Variants in GPC5 observed in about 807,000 individuals in gnomAD.
GPC5 encodes the protein glypican 5.
Under a neutral mutation model 53.9 loss-of-function variants are expected in GPC5, and 47 were observed. That is an observed-to-expected ratio of 0.87 (90% CI 0.69 to 1.11). The LOEUF (loss-of-function observed/expected upper bound fraction) is 1.11, where lower values mean the gene tolerates loss of function less well. GPC5 is among the 50% of genes most tolerant of loss of function. The pLI is 0.00. For missense variants in GPC5, 748 were observed against 713.1 expected (o/e 1.05, Z -0.56); for synonymous variants, 286 against 263.3 (o/e 1.09, Z -0.84).
chr13:92,343,527 G>T (rs2043384672), intron 7 of GPC5, among the ~76,000 whole-genome samples: 1 of 151,946 alleles, frequency 6.6e-6, no homozygotes, highest in Admixed American at 6.6e-5. Flanking sequence ...TTCTGCTTTT[G>T]ACAAACTAGG....
intron 2 of GPC5, among the ~76,000 whole-genome samples, chr13:91,689,682 G>C (rs2035713559): frequency 1.3e-5 from 2 of 149,856 alleles, no homozygotes; most frequent in Middle Eastern, 3.4e-3. Flanking sequence ...ACACACATTA[G>C]CCTAGGCCTA....
intron 6 of GPC5, among the ~76,000 whole-genome samples, chr13:91,954,699 T>C (rs2040057509): frequency 1.3e-5 from 2 of 151,984 alleles, no homozygotes; most frequent in Admixed American, 6.6e-5. Flanking sequence ...AAAAACATAC[T>C]TTAAGTACTA....
intron 7 of GPC5, among the ~76,000 whole-genome samples, chr13:92,570,895 A>G (rs1162874091): frequency 2.0e-5 from 3 of 152,140 alleles, no homozygotes; most frequent in Admixed American, 1.3e-4. Context: ...AATTTTACCA[A>G]TATGGAAGCT....
intron 6 of GPC5, among the ~76,000 whole-genome samples, chr13:91,972,337 C>G (rs1309905931): frequency 6.6e-6 from 1 of 152,158 alleles, no homozygotes; most frequent in Non-Finnish European, 1.5e-5. Flanking sequence ...TCCTCCATCC[C>G]TTTATTTTAA....
chr13:91,972,177 T>C (rs2040249208), intron 6 of GPC5, among the ~76,000 whole-genome samples: 1 of 152,226 alleles, frequency 6.6e-6, no homozygotes, highest in Non-Finnish European at 1.5e-5. Flanking sequence ...ATATTTAGGA[T>C]AGTTAGCTCT....
intron 6 of GPC5, among the ~76,000 whole-genome samples, chr13:92,086,272 A>C (rs1466979664): frequency 6.6e-6 from 1 of 152,154 alleles, no homozygotes; most frequent in African/African-American, 2.4e-5. Flanking sequence ...AGGAGGACAC[A>C]TCTTCATTTT....
chr13:91,561,235 C>T (rs1000066610), intron 2 of GPC5, among the ~76,000 whole-genome samples: 1 of 151,990 alleles, frequency 6.6e-6, no homozygotes, highest in African/African-American at 2.4e-5. Flanking sequence ...TGTGTAATTT[C>T]AATAATTGTA....
chr13:92,415,979 C>T (rs951136972), intron 7 of GPC5, among the ~76,000 whole-genome samples: 2 of 151,962 alleles, frequency 1.3e-5, no homozygotes, highest in African/African-American at 2.4e-5. Flanking sequence ...ATGAAGAAAA[C>T]AAATATAGAC....
At chr13:92,572,730 A>AT (rs1404106576) in intron 7 of GPC5, among the ~76,000 whole-genome samples, 1 of 152,174 alleles carries the variant, frequency 6.6e-6, no homozygotes, top group East Asian at 1.9e-4. Flanking sequence ...ATCTCACCAT[A>AT]TGACACAAAA....
chr13:92,072,808 C>T (rs954578589), intron 6 of GPC5, among the ~76,000 whole-genome samples: 7 of 151,624 alleles, frequency 4.6e-5, no homozygotes, highest in Admixed American at 2.6e-4. Flanking sequence ...TGCCCTGAAG[C>T]GATCTGCCCA....
chr13:92,251,363 C>T (rs1050086377), intron 7 of GPC5, among the ~76,000 whole-genome samples: 31 of 151,938 alleles, frequency 2.0e-4, no homozygotes, highest in African/African-American at 7.2e-4. Context: ...GGTGGCTCCA[C>T]GTAAATCTCT....
chr13:92,507,332 T>C (rs994594716), intron 7 of GPC5, among the ~76,000 whole-genome samples: 2 of 152,230 alleles, frequency 1.3e-5, no homozygotes, highest in Non-Finnish European at 2.9e-5. Context: ...GCAATAGCTA[T>C]AGAAATTCAA....
intron 6 of GPC5, among the ~76,000 whole-genome samples, chr13:92,005,192 C>T (rs921531527): frequency 3.9e-5 from 6 of 152,142 alleles, no homozygotes; most frequent in African/African-American, 1.4e-4. Flanking sequence ...AAACTAAAGT[C>T]GGTTAAGATT....
chr13:92,031,697 ATATAT>A lies in GPC5; in HGVS notation c.1402-113127_1402-113123del, dbSNP rs1260800880. 3.5e-5 allele frequency among the ~76,000 whole-genome samples: 3 copies of A among 86,230 alleles called. 1 individual carries two copies. Among genetic ancestry groups the A allele is most frequent in the Non-Finnish European group, 6.6e-5 (3 of 45,602 alleles). 56.6% of individuals were successfully genotyped at this position (86,230 alleles called of 152,430 possible). A position where few individuals can be genotyped will look rare whatever the true frequency, so the allele number is the denominator to read the frequency against. On this transcript the variant is annotated intron_variant, in intron 6 of 7. Coordinates refer to ENST00000377067, the MANE Select transcript of GPC5 (RefSeq NM_004466.6). ...ATATAATATATATATAGTATATATA[ATATAT>A]TATATATATTACATATATGTAATAT... is the stretch of plus-strand genomic sequence containing the variant.
intron 7 of GPC5, among the ~76,000 whole-genome samples, chr13:92,294,133 G>C (rs149373999): frequency 1.3e-5 from 2 of 152,002 alleles, no homozygotes; most frequent in Non-Finnish European, 2.9e-5. Context: ...TGTTCATCAG[G>C]GATATCAGTC....
intron 7 of GPC5, among the ~76,000 whole-genome samples, chr13:92,303,827 G>C (rs2043091763): frequency 6.6e-6 from 1 of 152,210 alleles, no homozygotes; most frequent in African/African-American, 2.4e-5. Flanking sequence ...TTTGTGGCAG[G>C]ATTTGGGCTG....
intron 2 of GPC5, among the ~76,000 whole-genome samples, chr13:91,648,347 T>C (rs1016158637): frequency 6.6e-6 from 1 of 151,102 alleles, no homozygotes; most frequent in Non-Finnish European, 1.5e-5. Flanking sequence ...TTTTTAATTG[T>C]ATTAAGACAG....
intron 5 of GPC5, among the ~76,000 whole-genome samples, chr13:91,835,366 C>G (rs1402353976): frequency 2.0e-5 from 3 of 152,120 alleles, no homozygotes; most frequent in Non-Finnish European, 4.4e-5. Context: ...TACCATTTAA[C>G]TCAGCAATCC....
At position 92,479,517 on chromosome 13, in the gene GPC5, C is replaced by T. The variant is rs181282040; in HGVS notation, c.1561+334528C>T. Among the ~76,000 whole-genome samples, 330 of 152,176 alleles carry T rather than the reference C, an allele frequency of 2.2e-3. 1 individual carries two copies. The highest frequency in any genetic ancestry group is 7.3e-3 in the African/African-American group (305 of 41,498). ...AATTCAGGTGATGAAGTAGAAAATGCGACTATAGATGGCTCTAGAAGTTTT... is the reference window on the plus strand; with the variant it reads ...AATTCAGGTGATGAAGTAGAAAATGTGACTATAGATGGCTCTAGAAGTTTT... On this transcript the variant is annotated intron_variant, in intron 7 of 7. Transcript: ENST00000377067.
Sources: allele counts gnomAD v4.1 joint callset (sites outside exome capture counted in the v4.1 genomes callset), GRCh38; gene constraint gnomAD v4.1.1; transcripts MANE v1.5; gene names NCBI Gene and HGNC (gene_info 2026-07-23, HGNC 2026-07-21).